Variants in PRKCE observed in about 807,000 individuals in gnomAD.
PRKCE encodes the protein protein kinase C epsilon type.
Under a neutral mutation model 85.4 loss-of-function variants are expected in PRKCE, and 16 were observed. That is an observed-to-expected ratio of 0.19 (90% CI 0.13 to 0.28). The LOEUF is 0.28. Among genes scored for constraint, PRKCE ranks in the 10% least tolerant of loss-of-function variants. PRKCE has a pLI of 1.00. For synonymous variants in PRKCE, 388 were observed against 371.5 expected (o/e 1.04, Z -0.51); for missense variants, 573 against 975.2 (o/e 0.59, Z 5.49).
chr2:45,797,146 G>C (rs922601324), intron 1 of PRKCE, among the ~76,000 whole-genome samples: 2 of 152,190 alleles, frequency 1.3e-5, no homozygotes, highest in Admixed American at 1.3e-4. Context: ...CCGCCTGTAT[G>C]TAACAGGTAT....
intron 2 of PRKCE, among the ~76,000 whole-genome samples, chr2:45,906,892 G>A (rs759461631): frequency 3.3e-5 from 5 of 152,208 alleles, no homozygotes; most frequent in Admixed American, 6.5e-5. Flanking sequence ...CACACCCTGC[G>A]CTTGGCTGGG....
intron 1 of PRKCE, among the ~76,000 whole-genome samples, chr2:45,803,548 G>A (rs935349339): frequency 6.6e-6 from 1 of 152,160 alleles, no homozygotes; most frequent in Non-Finnish European, 1.5e-5. Context: ...TGCCCTGCTT[G>A]TCACATTTGA....
intron 2 of PRKCE, among the ~76,000 whole-genome samples, chr2:45,957,721 G>A (rs1470507312): frequency 6.6e-6 from 1 of 151,904 alleles, no homozygotes; most frequent in Non-Finnish European, 1.5e-5. Context: ...GACCAGCCTG[G>A]GCAATATAGC....
chr2:45,970,498 A>G (rs1702036688), intron 2 of PRKCE, among the ~76,000 whole-genome samples: 1 of 152,180 alleles, frequency 6.6e-6, no homozygotes, highest in South Asian at 2.1e-4. Flanking sequence ...ATGTGACAAC[A>G]TCCTGGATGC....
chr2:45,860,104 G>T (rs1165409634), intron 2 of PRKCE, among the ~76,000 whole-genome samples: 1 of 151,854 alleles, frequency 6.6e-6, no homozygotes, highest in Non-Finnish European at 1.5e-5. Context: ...TGCCCCTCTA[G>T]AATGTAAGCT....
intron 1 of PRKCE, among the ~76,000 whole-genome samples, chr2:45,809,281 A>T (rs72870745): frequency 0.015 from 2,296 of 152,330 alleles, 55 homozygotes; most frequent in African/African-American, 0.052. Flanking sequence ...CTGATTTGTT[A>T]TCCTGTAGCA....
At chr2:46,125,728 G>T (rs1558481470) in intron 11 of PRKCE, among the ~76,000 whole-genome samples, 2 of 152,166 alleles carry the variant, frequency 1.3e-5, no homozygotes, top group African/African-American at 4.8e-5. Context: ...CAGACACTTA[G>T]TAGGTACATA....
At chr2:45,742,437 GA>G (rs34942363) in intron 1 of PRKCE, among the ~76,000 whole-genome samples, 63,209 of 140,196 alleles carry the variant, frequency 0.45, 13,350 homozygotes, top group Admixed American at 0.48. Flanking sequence ...TCTCTAAAAA[GA>G]AAAAAAAAAA....
chr2:45,661,595 C>G (rs548117024), intron 1 of PRKCE, among the ~76,000 whole-genome samples: 186 of 128,688 alleles, frequency 1.4e-3, no homozygotes, highest in African/African-American at 4.5e-3. Flanking sequence ...ATGGTGCCAT[C>G]TTTACTCACT....
At chr2:45,784,011 A>G (rs1024757406) in intron 1 of PRKCE, among the ~76,000 whole-genome samples, 4 of 152,232 alleles carry the variant, frequency 2.6e-5, no homozygotes, top group African/African-American at 9.7e-5. Flanking sequence ...TCAGTCACAC[A>G]CACACTCACC....
intron 1 of PRKCE, among the ~76,000 whole-genome samples, chr2:45,694,409 A>G (rs998258583): frequency 6.6e-6 from 1 of 152,148 alleles, no homozygotes; most frequent in Admixed American, 6.6e-5. Context: ...AACATGGAGT[A>G]TATGACTTCA....
chr2:45,673,608 C>T (rs1214789113), intron 1 of PRKCE, among the ~76,000 whole-genome samples: 1 of 152,108 alleles, frequency 6.6e-6, no homozygotes, highest in Admixed American at 6.6e-5. Flanking sequence ...TAATCATTAT[C>T]CATTTATGTT....
intron 1 of PRKCE, among the ~76,000 whole-genome samples, chr2:45,834,688 C>A (rs1475436767): frequency 6.6e-6 from 1 of 152,064 alleles, no homozygotes; most frequent in Non-Finnish European, 1.5e-5. Context: ...TGCTTTATCC[C>A]CCCTCCACTT....
At chr2:46,182,733 C>A (rs865895855) in intron 14 of PRKCE, among the ~76,000 whole-genome samples, 1 of 152,230 alleles carries the variant, frequency 6.6e-6, no homozygotes, top group African/African-American at 2.4e-5. Flanking sequence ...AAACAGTCCC[C>A]CGCGCAGCTC....
chr2:46,125,744 G>C (rs1276596589), intron 11 of PRKCE, among the ~76,000 whole-genome samples: 1 of 152,130 alleles, frequency 6.6e-6, no homozygotes, highest in African/African-American at 2.4e-5. Flanking sequence ...ACATAAGTGA[G>C]AATTCTGAGA....
chr2:45,688,929 C>T (rs1338371108), intron 1 of PRKCE, among the ~76,000 whole-genome samples: 2 of 152,324 alleles, frequency 1.3e-5, no homozygotes, highest in East Asian at 3.9e-4. Context: ...TGCTCATCCA[C>T]AACATAAGAG....
chr2:45,718,760 C>A (rs1373317412), intron 1 of PRKCE, among the ~76,000 whole-genome samples: 1 of 152,118 alleles, frequency 6.6e-6, no homozygotes, highest in Non-Finnish European at 1.5e-5. Context: ...GCAAGCTCTG[C>A]AGAAAACCCA....
At chr2:46,026,277 C>A (rs1221540127) in intron 10 of PRKCE, among the ~76,000 whole-genome samples, 1 of 152,018 alleles carries the variant, frequency 6.6e-6, no homozygotes, top group Non-Finnish European at 1.5e-5. Flanking sequence ...GTGGATGGTT[C>A]AAAGATTAAG....
At chr2:45,653,009 A>G (rs1675200564) in intron 1 of PRKCE, among the ~76,000 whole-genome samples, 1 of 152,140 alleles carries the variant, frequency 6.6e-6, no homozygotes, top group Non-Finnish European at 1.5e-5. Context: ...CTCCTCCAGG[A>G]TGTCTCCTCT....
Sources: gnomAD v4.1 joint callset for allele counts (sites outside exome capture counted in the v4.1 genomes callset) on GRCh38, gnomAD v4.1.1 for gene constraint, MANE v1.5 for transcripts, NCBI Gene and HGNC (gene_info 2026-07-23, HGNC 2026-07-21) for gene names.